The following SRPRA variants were observed in gnomAD, a reference collection of about 807,000 sequenced individuals.
The protein encoded by SRPRA is SRP receptor subunit alpha.
Under a neutral mutation model 61.1 loss-of-function variants are expected in SRPRA, and 30 were observed. The observed-to-expected ratio is 0.49, with a 90% CI of 0.37 to 0.67. The LOEUF (loss-of-function observed/expected upper bound fraction) is 0.67. SRPRA is among the 30% of genes least tolerant of loss of function. The pLI, the probability that SRPRA is intolerant of heterozygous loss-of-function variation, is 0.00. For synonymous variants in SRPRA, 324 were observed against 299.7 expected (o/e 1.08, Z -0.84); for missense variants, 759 against 828.4 (o/e 0.92, Z 1.03).
downstream of SRPRA, among the ~76,000 whole-genome samples, chr11:126,258,276 G>T (rs1220530127): frequency 6.6e-6 from 1 of 152,024 alleles, no homozygotes; most frequent in Non-Finnish European, 1.5e-5. Flanking sequence ...TAGTCCAGCT[G>T]CTTGGGAGGT....
At chr11:126,254,204 A>G in the SRPRA span, 1 of 1,382,736 alleles carries the variant, frequency 7.2e-7, no homozygotes, top group Non-Finnish European at 9.8e-7. Context: ...TAGAGAGTTT[A>G]TGTCAGAAGT....
chr11:126,262,104 T>C (rs756400780), downstream of SRPRA: 29 of 1,613,988 alleles, frequency 1.8e-5, no homozygotes, highest in Non-Finnish European at 2.3e-5. Flanking sequence ...TTGTTCTCTT[T>C]TCTTTCTCCC....
In SRPRA at chr11:126,267,595, A is replaced by G. The variant is rs371577705; in HGVS notation, c.319T>C (p.Leu107=). 1.5e-5 allele frequency: 24 copies of G among 1,614,034 alleles called. No individual in the cohort carries two copies. In the East Asian group the frequency reaches 2.2e-4, roughly 15 times the overall value. The change falls in exon 3 of 14, where the codon TTA becomes CTA. Residue 107 remains leucine (L), a synonymous_variant. Transcript: ENST00000332118. This position sits in a 1 kb window ranked among gnomAD's most constrained non-coding sequence, Gnocchi z 4.2. ...EIQQQSALSL[L]NGTFDFQNDF... The stretch of plus-strand genomic sequence containing the variant: ...TTTTGGAAATCAAAAGTGCCATTTA[A>G]TAAACTTAAAGCACTTTGCTGTTGG...
downstream of SRPRA, chr11:126,260,404 T>C (rs1950664736): frequency 6.6e-6 from 1 of 152,162 alleles, no homozygotes; most frequent in East Asian, 1.9e-4. Flanking sequence ...TGATTTTTTT[T>C]TTTTTTTGGT....
the SRPRA span, among the ~76,000 whole-genome samples, chr11:126,242,024 C>CAA: frequency 4.5e-5 from 4 of 88,404 alleles, no homozygotes; most frequent in South Asian, 3.9e-4. Context: ...GACTCCGTCT[C>CAA]AAAAAAAAAA....
Position 126,266,235 on chromosome 11 carries a change from C to T in SRPRA, c.884G>A (p.Cys295Tyr), listed in dbSNP as rs373960053. 6.2e-7 allele frequency: 1 copy of T among 1,614,194 alleles called. No homozygotes were observed. The highest frequency in any genetic ancestry group is 1.3e-5 in the African/African-American group (1 of 75,046). The change falls in exon 7 of 14, where the codon TGC becomes TAC. Residue 295 changes from cysteine to tyrosine, a missense_variant. Physicochemically the swap from Cys to Tyr is radical, Grantham distance 194 (BLOSUM62 -2). Transcript: ENST00000332118. ...AGCCCCTTCGTCATCAGAGCTGCTG[C>T]AGTCCAGATCCTGAAGCTGCCCCCC... ...GSGGQLQDLD[C>Y]SSSDDEGAAQ...
chr11:126,256,983 C>T, the SRPRA span: 10 of 904,796 alleles, frequency 1.1e-5, no homozygotes, highest in African/African-American at 1.5e-4. The surrounding 1 kb of genome is among the most constrained non-coding windows in gnomAD (Gnocchi z 6.6). Context: ...GTAAAGGAGG[C>T]CACAGTCTTC....
the SRPRA span, chr11:126,241,018 C>G: frequency 1.9e-6 from 3 of 1,607,978 alleles, no homozygotes. Context: ...CCATGTTGCC[C>G]ATGACCTTAT....
chr11:126,268,683 G>T lies in SRPRA; in HGVS notation c.117+5C>A. The T allele has an allele frequency of 6.2e-7, 1 of 1,611,474 alleles. No individual in the cohort carries two copies. The highest frequency in any genetic ancestry group is 8.5e-7 in the Non-Finnish European group (1 of 1,177,940). On this transcript the variant is annotated splice_donor_5th_base_variant and intron_variant, in intron 1 of 13. Coordinates refer to ENST00000332118, the MANE Select transcript of SRPRA (RefSeq NM_003139.4). Reference sequence around the variant, plus strand: ...CCTGGAGTTCTGATCCCACGGGGACGGTACCTGCAGCAGCACGGAACGAAT... The same window carrying T: ...CCTGGAGTTCTGATCCCACGGGGACTGTACCTGCAGCAGCACGGAACGAAT...
chr11:126,260,054 C>T (rs1950656337), downstream of SRPRA, among the ~76,000 whole-genome samples: 1 of 151,816 alleles, frequency 6.6e-6, no homozygotes, highest in African/African-American at 2.4e-5. Flanking sequence ...ATTTTTGATA[C>T]AGGGTCTTGC....
At chr11:126,254,372 C>G in the SRPRA span, 1 of 1,614,108 alleles carries the variant, frequency 6.2e-7, no homozygotes, top group South Asian at 1.1e-5. Flanking sequence ...TACACCAACC[C>G]TAGTGGCATT....
the SRPRA span, chr11:126,254,495 C>T: frequency 6.3e-7 from 1 of 1,593,932 alleles, no homozygotes; most frequent in Non-Finnish European, 8.6e-7. Flanking sequence ...TCTAAATATG[C>T]CATAGATCTT....
chr11:126,265,403 G>C lies in SRPRA; in HGVS notation c.1176C>G (p.Ser392=), dbSNP rs145286251. The stretch of plus-strand genomic sequence containing the variant: ...GCTGTGGCTGCAGAATCTGCACCAG[G>C]GACTCCTGTAGGGCTTGCTTTACTG... The part of the protein sequence containing the change: ...TSTVKQALQE[S]LVQILQPQRR... The change falls in exon 10 of 14, where the codon TCC becomes TCG. Residue 392 remains serine (S), a synonymous_variant. Coordinates refer to ENST00000332118, the MANE Select transcript of SRPRA (RefSeq NM_003139.4). The surrounding 1 kb of genome is among the most constrained non-coding windows in gnomAD (Gnocchi z 6.3). The C allele has an allele frequency of 6.2e-7, 1 of 1,613,914 alleles. No individual in the cohort carries two copies. The highest frequency in any genetic ancestry group is 2.2e-5 in the East Asian group (1 of 44,876).
Position 126,265,173 on chromosome 11 carries a change from CTG to C in SRPRA, c.1312-3_1312-2del, listed in dbSNP as rs1950781552. 1 of 1,614,092 alleles carries C rather than the reference CTG, an allele frequency of 6.2e-7. No individual in the cohort carries two copies. Reference sequence around the variant, plus strand: ...CATTCTCTAACAACCAGAAGGAAATCTGTGAAAAAGACGTAAGAAAAGTCACC... The same window carrying C: ...CATTCTCTAACAACCAGAAGGAAATCTGAAAAAGACGTAAGAAAAGTCACC... On this transcript the variant is annotated splice_acceptor_variant and splice_polypyrimidine_tract_variant and intron_variant, in intron 10 of 13. Transcript: ENST00000332118. LOFTEE classifies it high-confidence loss of function. This position sits in a 1 kb window ranked among gnomAD's most constrained non-coding sequence, Gnocchi z 6.3.
Position 126,265,656 on chromosome 11 carries a change from G to A in SRPRA, c.1138+81C>T, listed in dbSNP as rs150144207. ...AGGTTTAGAGGTTAAGGAATTTGCC[G>A]AAAGTCACATACCTAGTAAGAACTG... is the stretch of plus-strand genomic sequence containing the variant. On this transcript the variant is annotated intron_variant, in intron 9 of 13. Coordinates refer to ENST00000332118, the MANE Select transcript of SRPRA (RefSeq NM_003139.4). The surrounding 1 kb of genome is among the most constrained non-coding windows in gnomAD (Gnocchi z 6.3). The A allele has an allele frequency of 1.0e-3, 1,510 of 1,506,666 alleles. 3 individuals carry two copies. In the African/African-American group the frequency reaches 0.01, roughly 10 times the overall value. 93.3% of individuals were successfully genotyped at this position (1,506,666 alleles called of 1,614,324 possible).
At position 126,264,734 on chromosome 11, in the gene SRPRA, G is replaced by T; in HGVS notation, c.1526-195C>A. On this transcript the variant is annotated intron_variant, in intron 11 of 13. Transcript: ENST00000332118. The surrounding 1 kb of genome is among the most constrained non-coding windows in gnomAD (Gnocchi z 5.0). ...ATATTCAGGAAAAGGAGGACAACAGGATGAAGGTGACCAAATTCAGGTTTC... is the reference window on the plus strand; with the variant it reads ...ATATTCAGGAAAAGGAGGACAACAGTATGAAGGTGACCAAATTCAGGTTTC... The T allele has an allele frequency of 1.3e-6, 1 of 778,612 alleles. No individual in the cohort carries two copies. The highest frequency in any genetic ancestry group is 2.0e-6 in the Non-Finnish European group (1 of 500,666). 48.2% of individuals were successfully genotyped at this position (778,612 alleles called of 1,614,324 possible).
In SRPRA at chr11:126,265,583, G is replaced by T; in HGVS notation, c.1139-143C>A. ...ATCCAGAACAGACGCACATTACAAG[G>T]ACTAACTCACTGAATCCTCTCAATA... On this transcript the variant is annotated intron_variant, in intron 9 of 13. Coordinates refer to ENST00000332118, the MANE Select transcript of SRPRA (RefSeq NM_003139.4). This position sits in a 1 kb window ranked among gnomAD's most constrained non-coding sequence, Gnocchi z 6.3. 1 of 1,201,834 alleles carries T rather than the reference G, an allele frequency of 8.3e-7. No homozygotes were observed. The highest frequency in any genetic ancestry group is 1.2e-6 in the Non-Finnish European group (1 of 849,210). The allele number at this position is 1,201,834 out of a possible 1,614,324, so 74.4% of individuals were successfully genotyped here. A position where few individuals can be genotyped will look rare whatever the true frequency, so the allele number is the denominator to read the frequency against.
At chr11:126,254,290 ATG>A in the SRPRA span, 1 of 1,612,734 alleles carries the variant, frequency 6.2e-7, no homozygotes, top group Non-Finnish European at 8.5e-7. Context: ...GTTGGGCTAT[ATG>A]TGTGTTGTGC....
chr11:126,266,348 C>T lies in SRPRA; in HGVS notation c.841-70G>A, dbSNP rs1950810454. The T allele has an allele frequency of 2.5e-6, 4 of 1,592,712 alleles. No individual in the cohort carries two copies. In the South Asian group the frequency reaches 3.3e-5, roughly 13 times the overall value. On this transcript the variant is annotated intron_variant, in intron 6 of 13. Coordinates refer to ENST00000332118, the MANE Select transcript of SRPRA (RefSeq NM_003139.4). The stretch of plus-strand genomic sequence containing the variant: ...CTCTGAGGAAAACGTCCACATTGCT[C>T]TATCTCTTTCATTTTGGGAAGCTCC...
Sources: allele counts gnomAD v4.1 joint callset (sites outside exome capture counted in the v4.1 genomes callset), GRCh38; gene constraint gnomAD v4.1.1; non-coding constraint Gnocchi (gnomAD v3.1); transcripts MANE v1.5; gene names NCBI Gene and HGNC (gene_info 2026-07-23, HGNC 2026-07-21).